Variants in TAFA1 observed in about 807,000 individuals in gnomAD.
The protein encoded by TAFA1 is chemokine-like protein TAFA-1.
TAFA1 carries 4 observed loss-of-function variants against 18.5 expected under a neutral mutation model. That is an observed-to-expected ratio of 0.22 (90% confidence interval 0.11 to 0.49). The LOEUF (loss-of-function observed/expected upper bound fraction) is 0.49, where lower values mean the gene tolerates loss of function less well. Among genes scored for constraint, TAFA1 ranks in the 20% least tolerant of loss-of-function variants. The probability of loss-of-function intolerance (pLI) is 0.98; values close to 1 mark genes in which losing one functional copy is unlikely to be tolerated. For synonymous variants in TAFA1, 56 were observed against 55.2 expected, an observed-to-expected ratio of 1.01 and a Z score of -0.06; for missense variants, 147 against 169.0, an observed-to-expected ratio of 0.87 and a Z score of 0.72.
chr3:68,109,624 G>T (rs2065242278), intron 2 of TAFA1, among the ~76,000 whole-genome samples: 1 of 152,160 alleles, frequency 6.6e-6, no homozygotes, highest in South Asian at 2.1e-4. Context: ...GAAACTGCAT[G>T]ACCAAGAGGA....
intron 2 of TAFA1, among the ~76,000 whole-genome samples, chr3:68,051,856 A>G (rs1559717926): frequency 6.6e-6 from 1 of 152,154 alleles, no homozygotes; most frequent in East Asian, 1.9e-4. Flanking sequence ...AAAACTACAT[A>G]ATTAATTTTC....
chr3:68,314,788 A>C (rs1462573323), intron 2 of TAFA1, among the ~76,000 whole-genome samples: 2 of 152,072 alleles, frequency 1.3e-5, no homozygotes, highest in African/African-American at 2.4e-5. Context: ...GAGCTTCAGG[A>C]CGAAAAAGAT....
chr3:68,125,050 C>A (rs568332054), intron 2 of TAFA1, among the ~76,000 whole-genome samples: 3 of 152,258 alleles, frequency 2.0e-5, no homozygotes, highest in Admixed American at 2.0e-4. Context: ...GAAAAGGATG[C>A]ATATACTTGG....
At chr3:68,281,164 C>T (rs2067890879) in intron 2 of TAFA1, among the ~76,000 whole-genome samples, 1 of 151,932 alleles carries the variant, frequency 6.6e-6, no homozygotes, top group African/African-American at 2.4e-5. Flanking sequence ...CTTACAACAG[C>T]CCTGTACAAT....
intron 2 of TAFA1, among the ~76,000 whole-genome samples, chr3:68,363,140 C>T (rs1020568302): frequency 3.9e-5 from 6 of 152,050 alleles, no homozygotes; most frequent in African/African-American, 7.2e-5. Flanking sequence ...ATCCTTGGCT[C>T]ATGTTATTAC....
intron 2 of TAFA1, among the ~76,000 whole-genome samples, chr3:68,101,267 T>C (rs1478578226): frequency 6.7e-6 from 1 of 150,250 alleles, no homozygotes; most frequent in African/African-American, 2.4e-5. Flanking sequence ...TGATTTCTTT[T>C]TTTATTTTTA....
At chr3:68,277,223 G>C (rs2067814209) in intron 2 of TAFA1, among the ~76,000 whole-genome samples, 1 of 152,124 alleles carries the variant, frequency 6.6e-6, no homozygotes, top group Non-Finnish European at 1.5e-5. Context: ...GTTCAGTAAT[G>C]CTTTGGCTGG....
chr3:68,417,493 C>A, intron 3 of TAFA1, 73 bp downstream of exon 3: 1 of 1,410,442 alleles, frequency 7.1e-7, no homozygotes, highest in South Asian at 1.3e-5. Context: ...CTTGTTTTAT[C>A]TAATATGGTT....
At chr3:68,042,225 T>C (rs1189679373) in intron 2 of TAFA1, among the ~76,000 whole-genome samples, 1 of 144,692 alleles carries the variant, frequency 6.9e-6, no homozygotes, top group Non-Finnish European at 1.5e-5. Context: ...ACTTTATATT[T>C]GGGAAACTAA....
chr3:68,034,354 T>C (rs1241352766), intron 2 of TAFA1, among the ~76,000 whole-genome samples: 1 of 152,188 alleles, frequency 6.6e-6, no homozygotes, highest in East Asian at 1.9e-4. Context: ...TTTGTATAAA[T>C]TCATTTGATC....
intron 2 of TAFA1, among the ~76,000 whole-genome samples, chr3:68,295,770 C>G (rs998282737): frequency 1.3e-5 from 2 of 152,094 alleles, no homozygotes; most frequent in Admixed American, 6.5e-5. Context: ...GTATGCCTGG[C>G]TAATTTTCTT....
chr3:68,085,147 C>G (rs941876559), intron 2 of TAFA1, among the ~76,000 whole-genome samples: 3 of 152,206 alleles, frequency 2.0e-5, no homozygotes, highest in East Asian at 3.9e-4. Flanking sequence ...CTCACTTAAC[C>G]CTTTTTATAA....
At chr3:68,231,625 G>A (rs375011576) in intron 2 of TAFA1, among the ~76,000 whole-genome samples, 15 of 152,054 alleles carry the variant, frequency 9.9e-5, no homozygotes, top group African/African-American at 2.9e-4. Flanking sequence ...CTCCCAAAGC[G>A]CTGGGATTAC....
At chr3:68,045,662 G>A (rs1241965638) in intron 2 of TAFA1, among the ~76,000 whole-genome samples, 3 of 152,056 alleles carry the variant, frequency 2.0e-5, no homozygotes, top group Non-Finnish European at 4.4e-5. Flanking sequence ...CATTCTTTAA[G>A]GACAAATACG....
intron 2 of TAFA1, among the ~76,000 whole-genome samples, chr3:68,068,928 C>T (rs183179549): frequency 1.3e-5 from 2 of 152,334 alleles, no homozygotes; most frequent in East Asian, 3.9e-4. Flanking sequence ...TGTGCATAGA[C>T]TCTAATACAA....
At chr3:68,205,131 T>C (rs2066511093) in intron 2 of TAFA1, among the ~76,000 whole-genome samples, 1 of 151,858 alleles carries the variant, frequency 6.6e-6, no homozygotes, top group African/African-American at 2.4e-5. Flanking sequence ...TCTGAGGATG[T>C]CTTTTAATGT....
At chr3:68,398,205 A>G (rs1012912447) in intron 2 of TAFA1, among the ~76,000 whole-genome samples, 2 of 152,196 alleles carry the variant, frequency 1.3e-5, no homozygotes, top group African/African-American at 4.8e-5. Flanking sequence ...ACAGCATGGT[A>G]CTGGTACCAA....
chr3:68,316,664 A>G (rs1267194664), intron 2 of TAFA1, among the ~76,000 whole-genome samples: 2 of 152,146 alleles, frequency 1.3e-5, no homozygotes, highest in Non-Finnish European at 2.9e-5. Flanking sequence ...TATAACAAAT[A>G]TTTATTGACC....
intron 2 of TAFA1, among the ~76,000 whole-genome samples, chr3:68,229,315 T>C (rs1300173024): frequency 6.6e-6 from 1 of 152,206 alleles, no homozygotes; most frequent in East Asian, 1.9e-4. Context: ...AATAAACATA[T>C]ATAACAAATC....
Sources: gnomAD v4.1 joint callset for allele counts (sites outside exome capture counted in the v4.1 genomes callset) on GRCh38, gnomAD v4.1.1 for gene constraint, MANE v1.5 for transcripts, NCBI Gene and HGNC (gene_info 2026-07-23, HGNC 2026-07-21) for gene names.